Variants in SYN3 observed in about 807,000 individuals in gnomAD.
SYN3 encodes the protein synapsin-3.
SYN3 carries 35 observed loss-of-function variants against 65.8 expected under a neutral mutation model. The observed-to-expected ratio is 0.53, with a 90% CI of 0.41 to 0.70. SYN3 has a LOEUF of 0.70. Ranked by LOEUF, SYN3 falls within the 30% of genes least tolerant of loss-of-function variation. The pLI is 0.00. For missense variants in SYN3, 680 were observed against 749.0 expected, an observed-to-expected ratio of 0.91 and a Z score of 1.08; for synonymous variants, 270 against 292.9, an observed-to-expected ratio of 0.92 and a Z score of 0.80.
chr22:32,932,337 A>G (rs189800135), intron 3 of SYN3, among the ~76,000 whole-genome samples: 3 of 150,794 alleles, frequency 2.0e-5, no homozygotes, highest in African/African-American at 7.3e-5. Flanking sequence ...TCATTGACAT[A>G]CTGCCCTTTT....
chr22:32,865,446 T>G (rs1220225999), intron 5 of SYN3, among the ~76,000 whole-genome samples: 1 of 152,228 alleles, frequency 6.6e-6, no homozygotes, highest in African/African-American at 2.4e-5. Flanking sequence ...TTACTAGCTG[T>G]ATAACCTGGG....
chr22:32,657,429 A>T (rs1414076384), intron 6 of SYN3, among the ~76,000 whole-genome samples: 2 of 152,120 alleles, frequency 1.3e-5, no homozygotes, highest in Admixed American at 1.3e-4. Flanking sequence ...GGCCCGAGCC[A>T]CCCTCACTTC....
Position 32,801,580 on chromosome 22 carries a change from C to A in SYN3, c.711+63335G>T, listed in dbSNP as rs1362367367. ...TTACCCCTTGCCCCCGGCCCCGCCCCCTTTTTGGAGGGCCGATGAGGTAAT... is the reference window on the plus strand; with the variant it reads ...TTACCCCTTGCCCCCGGCCCCGCCCACTTTTTGGAGGGCCGATGAGGTAAT... On this transcript the variant is annotated intron_variant, in intron 6 of 13. Coordinates refer to ENST00000358763, the MANE Select transcript of SYN3 (RefSeq NM_003490.4). The surrounding 1 kb of genome is among the most constrained non-coding windows in gnomAD (Gnocchi z 4.7). 1 of 153,476 alleles carries A rather than the reference C, an allele frequency of 6.5e-6. No individual in the cohort carries two copies. Among genetic ancestry groups the A allele is most frequent in the Non-Finnish European group, 1.4e-5 (1 of 69,076 alleles). 9.5% of individuals were successfully genotyped at this position (153,476 alleles called of 1,614,324 possible). A position where few individuals can be genotyped will look rare whatever the true frequency, so the allele number is the denominator to read the frequency against.
chr22:32,654,423 T>A (rs717170), intron 6 of SYN3, among the ~76,000 whole-genome samples: 16,297 of 152,222 alleles, frequency 0.11, 2,411 homozygotes, highest in African/African-American at 0.34. Context: ...ATCAAGTTCC[T>A]TGGCTCTGCC....
At chr22:32,741,320 A>G (rs1430751989) in intron 6 of SYN3, among the ~76,000 whole-genome samples, 3 of 147,846 alleles carry the variant, frequency 2.0e-5, no homozygotes, top group East Asian at 2.0e-4. Flanking sequence ...TGGGATTCAG[A>G]CCCAAGCATT....
intron 7 of SYN3, among the ~76,000 whole-genome samples, chr22:32,587,762 G>A (rs950163432): frequency 6.6e-6 from 1 of 152,138 alleles, no homozygotes; most frequent in African/African-American, 2.4e-5. Context: ...TGGAAACATC[G>A]CCTGGAGGAG....
rs141420787 is a variant in SYN3, at chr22:32,913,005, T to A, written c.461+18385A>T. On this transcript the variant is annotated intron_variant, in intron 4 of 13. Coordinates refer to ENST00000358763, the MANE Select transcript of SYN3 (RefSeq NM_003490.4). ...AACTAGGGACTTTGGACGACGATGG[T>A]GTGTAGATGAGGTTCGATTATAAAA... Among the ~76,000 whole-genome samples the A allele has an allele frequency of 9.9e-5, 15 of 152,154 alleles. 1 individual carries two copies. The South Asian group carries it at 1.2e-3, about 13-fold the overall frequency.
intron 6 of SYN3, among the ~76,000 whole-genome samples, chr22:32,786,359 A>G: frequency 6.6e-6 from 1 of 151,766 alleles, no homozygotes. Context: ...TCAGGGGACC[A>G]GGAGCATCAT....
intron 4 of SYN3, among the ~76,000 whole-genome samples, chr22:32,898,671 T>A (rs892988046): frequency 2.0e-5 from 3 of 152,236 alleles, no homozygotes; most frequent in Admixed American, 2.0e-4. Flanking sequence ...TATACATATA[T>A]GCATGTGTGT....
intron 3 of SYN3, among the ~76,000 whole-genome samples, chr22:32,957,324 A>C (rs1056282000): frequency 6.6e-6 from 1 of 152,222 alleles, no homozygotes; most frequent in Non-Finnish European, 1.5e-5. Context: ...TGCAGGAAGC[A>C]GACTCGTGCT....
chr22:32,521,508 G>A (rs2057881843), intron 12 of SYN3, among the ~76,000 whole-genome samples: 2 of 147,706 alleles, frequency 1.4e-5, no homozygotes, highest in South Asian at 4.3e-4. Context: ...GCAGTGGCGC[G>A]ATCTCGGCTC....
intron 1 of SYN3, among the ~76,000 whole-genome samples, chr22:33,045,260 C>T (rs1219496169): frequency 2.0e-5 from 3 of 152,172 alleles, no homozygotes. Flanking sequence ...TTGCACATGA[C>T]CTGTGACAGC....
At chr22:32,618,387 A>C (rs2059549570) in intron 6 of SYN3, among the ~76,000 whole-genome samples, 1 of 152,182 alleles carries the variant, frequency 6.6e-6, no homozygotes, top group African/African-American at 2.4e-5. Flanking sequence ...GAACAAACAA[A>C]CCGGGCACAA....
intron 6 of SYN3, among the ~76,000 whole-genome samples, chr22:32,826,630 T>C (rs1276194587): frequency 6.6e-6 from 1 of 152,176 alleles, no homozygotes; most frequent in Non-Finnish European, 1.5e-5. Context: ...AAACTAGATA[T>C]TCACTATGTG....
intron 6 of SYN3, among the ~76,000 whole-genome samples, chr22:32,805,544 A>G (rs2046708310): frequency 6.6e-6 from 1 of 151,996 alleles, no homozygotes; most frequent in African/African-American, 2.4e-5. Flanking sequence ...GAGAGCTGCT[A>G]TCCAGCTGGA....
intron 4 of SYN3, among the ~76,000 whole-genome samples, chr22:32,876,959 GATAA>G (rs1198020768): frequency 6.6e-6 from 1 of 152,240 alleles, no homozygotes; most frequent in East Asian, 1.9e-4. Flanking sequence ...ATAGATGATA[GATAA>G]ATAGACGGTA....
At chr22:32,814,176 GAA>G (rs1389250675) in intron 6 of SYN3, among the ~76,000 whole-genome samples, 9 of 38,482 alleles carry the variant, frequency 2.3e-4, no homozygotes, top group South Asian at 7.4e-4. Context: ...GAAAGAGAAA[GAA>G]AGAAAAGAAA....
chr22:32,843,362 G>A (rs527726038), intron 6 of SYN3, among the ~76,000 whole-genome samples: 137 of 152,344 alleles, frequency 9.0e-4, no homozygotes, highest in Non-Finnish European at 1.5e-3. Context: ...TTGAATGGGT[G>A]AGCAGCTGGA....
At chr22:33,052,740 G>A (rs954948257) in intron 1 of SYN3, among the ~76,000 whole-genome samples, 1 of 152,208 alleles carries the variant, frequency 6.6e-6, no homozygotes, top group Non-Finnish European at 1.5e-5. Flanking sequence ...GGTCAGCACC[G>A]TCATTGGCTA....
Sources: allele counts gnomAD v4.1 joint callset (sites outside exome capture counted in the v4.1 genomes callset), GRCh38; gene constraint gnomAD v4.1.1; non-coding constraint Gnocchi (gnomAD v3.1); transcripts MANE v1.5; gene names NCBI Gene and HGNC (gene_info 2026-07-23, HGNC 2026-07-21).